The following MTCL1 variants were observed in gnomAD, a reference collection of about 807,000 sequenced individuals.
The protein encoded by MTCL1 is microtubule cross-linking factor 1.
MTCL1 carries 79 observed loss-of-function variants against 141.4 expected under a neutral mutation model. The ratio of observed to expected loss-of-function variants is 0.56; its 90% CI spans 0.47 to 0.67. MTCL1 has a LOEUF of 0.67. Ranked by LOEUF, MTCL1 falls within the 30% of genes least tolerant of loss-of-function variation. MTCL1 has a pLI of 0.00. For missense variants in MTCL1, 2,177 were observed against 2,113.9 expected (o/e 1.03, Z -0.59); for synonymous variants, 914 against 875.8 (o/e 1.04, Z -0.77).
intron 4 of MTCL1, among the ~76,000 whole-genome samples, chr18:8,724,000 C>T (rs1368183114): frequency 2.0e-5 from 3 of 152,012 alleles, no homozygotes; most frequent in Non-Finnish European, 4.4e-5. Context: ...AGGGGAGAAG[C>T]GGGACCAACT....
chr18:8,739,368 G>C (rs2096289953), intron 4 of MTCL1, among the ~76,000 whole-genome samples: 2 of 152,204 alleles, frequency 1.3e-5, no homozygotes, highest in Admixed American at 6.5e-5. Context: ...TTTGGGGTGG[G>C]CGTGCATGCG....
intron 4 of MTCL1, among the ~76,000 whole-genome samples, chr18:8,727,314 A>T (rs1189630899): frequency 1.3e-5 from 2 of 152,156 alleles, no homozygotes; most frequent in Middle Eastern, 3.2e-3. Context: ...ATGCACATTA[A>T]TGAGATTGCT....
chr18:8,728,098 A>G (rs987153728), intron 4 of MTCL1, among the ~76,000 whole-genome samples: 2 of 152,188 alleles, frequency 1.3e-5, no homozygotes, highest in African/African-American at 4.8e-5. Flanking sequence ...ACTTTAATCA[A>G]ATCTTGTCTT....
At chr18:8,787,825 G>T (rs4798687) in intron 7 of MTCL1, among the ~76,000 whole-genome samples, 2 of 151,980 alleles carry the variant, frequency 1.3e-5, no homozygotes, top group Non-Finnish European at 2.9e-5. Context: ...TTTTAATAAG[G>T]CATGTTCTGG....
intron 4 of MTCL1, among the ~76,000 whole-genome samples, chr18:8,722,832 ATAAC>A (rs2148822244): frequency 6.6e-6 from 1 of 152,370 alleles, no homozygotes; most frequent in South Asian, 2.1e-4. Context: ...ACATTTGTGT[ATAAC>A]TAAACATAAA....
At chr18:8,824,926 G>A in exon 15 of MTCL1, 1 of 1,613,746 alleles carries the variant, frequency 6.2e-7, no homozygotes, top group Non-Finnish European at 8.5e-7. Context: ...ACCGAGGTGG[G>A]GCGGGCAGGG....
At chr18:8,738,141 G>A (rs2096283273) in intron 4 of MTCL1, among the ~76,000 whole-genome samples, 1 of 152,136 alleles carries the variant, frequency 6.6e-6, no homozygotes, top group Non-Finnish European at 1.5e-5. Context: ...TACGCAGTGG[G>A]GTGGGCTTCC....
chr18:8,817,828 T>C (rs1220569211), intron 12 of MTCL1, among the ~76,000 whole-genome samples: 1 of 152,214 alleles, frequency 6.6e-6, no homozygotes, highest in Admixed American at 6.5e-5. Flanking sequence ...TGTCATCCAA[T>C]AAAGGCACCA....
chr18:8,825,049 G>C, exon 15 of MTCL1: 1 of 1,612,994 alleles, frequency 6.2e-7, no homozygotes, highest in South Asian at 1.1e-5. Context: ...CAGCCACTGC[G>C]GAGCCACGTC....
intron 4 of MTCL1, among the ~76,000 whole-genome samples, chr18:8,726,083 G>A (rs568179105): frequency 2.7e-5 from 4 of 150,342 alleles, no homozygotes; most frequent in African/African-American, 7.3e-5. Context: ...GAGCCACCGC[G>A]CCTGGTCTTG....
intron 3 of MTCL1, 116 bp downstream of exon 2, chr18:8,718,764 A>G: frequency 1.1e-6 from 1 of 934,782 alleles, no homozygotes; most frequent in Non-Finnish European, 1.7e-6. Context: ...TTGCAGCATA[A>G]ACAGTCTTGG....
At chr18:8,781,969 G>C (rs1446639179) in intron 5 of MTCL1, 1 of 152,332 alleles carries the variant, frequency 6.6e-6, no homozygotes, top group Non-Finnish European at 1.5e-5. Context: ...GTTGGGCTGA[G>C]CCTTCCTGGT....
At chr18:8,732,646 C>T (rs1366514922) in intron 4 of MTCL1, among the ~76,000 whole-genome samples, 1 of 152,132 alleles carries the variant, frequency 6.6e-6, no homozygotes. Context: ...CCGAGTCACC[C>T]ATACATAGTT....
chr18:8,813,371 A>ATTCTAGAAT (rs2076550164), intron 12 of MTCL1, 138 bp downstream of exon 11: 1 of 1,072,346 alleles, frequency 9.3e-7, no homozygotes. Flanking sequence ...AGAGAGAGAA[A>ATTCTAGAAT]TTCTAGAATT....
At chr18:8,762,412 G>A (rs964592786) in intron 4 of MTCL1, among the ~76,000 whole-genome samples, 22 of 152,228 alleles carry the variant, frequency 1.4e-4, no homozygotes, top group Non-Finnish European at 2.9e-4. Context: ...TAGCTGCCGC[G>A]ACTGCTCTCA....
chr18:8,706,972 C>A (rs1303814948), intron 1 of MTCL1: 3 of 524,832 alleles, frequency 5.7e-6, no homozygotes, highest in Non-Finnish European at 9.5e-6. Context: ...TTCGCTGATA[C>A]TTTTACTTTT....
intron 4 of MTCL1, among the ~76,000 whole-genome samples, chr18:8,758,376 C>A (rs75521341): frequency 0.016 from 2,438 of 152,280 alleles, 30 homozygotes; most frequent in Non-Finnish European, 0.024. Flanking sequence ...ACCAGGAGAT[C>A]TTTCCACTCA....
rs566808458 is a variant in MTCL1 at position 8,769,620 on chromosome 18, A to G, written c.358-8213A>G. ...TGTGCAGGAGAAAGTGGCATTTGCT[A>G]GGGGGTGTGCTGGGCATCTGTGTCC... is the stretch of plus-strand genomic sequence containing the variant. On this transcript the variant is annotated intron_variant, in intron 4 of 16. Transcript: ENST00000359865. 1.2e-4 allele frequency among the ~76,000 whole-genome samples: 19 copies of G among 152,272 alleles called. 1 individual carries two copies. The South Asian group carries it at 3.5e-3, about 28-fold the overall frequency.
chr18:8,817,081 C>A (rs1408406253), intron 12 of MTCL1, among the ~76,000 whole-genome samples: 2 of 152,088 alleles, frequency 1.3e-5, no homozygotes, highest in Non-Finnish European at 2.9e-5. Flanking sequence ...TTGTTCATAG[C>A]CCTCCTCTTT....
Sources: gnomAD v4.1 joint callset for allele counts (sites outside exome capture counted in the v4.1 genomes callset) on GRCh38, gnomAD v4.1.1 for gene constraint, MANE v1.5 for transcripts, NCBI Gene and HGNC (gene_info 2026-07-23, HGNC 2026-07-21) for gene names.